Variants in NUP93 observed in about 807,000 individuals in gnomAD.
NUP93 encodes nuclear pore complex protein Nup93.
In NUP93, 55 loss-of-function variants were observed where a neutral mutation model predicts 107.8. The ratio of observed to expected loss-of-function variants is 0.51; its 90% CI spans 0.41 to 0.64. The LOEUF (loss-of-function observed/expected upper bound fraction) is 0.64. Among genes scored for constraint, NUP93 ranks in the 30% least tolerant of loss-of-function variants. The pLI is 0.00. For missense variants in NUP93, 937 were observed against 1,044.7 expected (o/e 0.90, Z 1.42); for synonymous variants, 390 against 397.5 (o/e 0.98, Z 0.22).
In NUP93 at chr16:56,846,086, C is replaced by G. The variant is rs539842066; in HGVS notation, c.*1477C>G. On this transcript the variant is annotated 3_prime_UTR_variant, in exon 22 of 22. Coordinates refer to ENST00000308159, the MANE Select transcript of NUP93 (RefSeq NM_014669.5). ...CCCTGCTTATATGTGCTGATTTAAGCTAATCAAATGATTTAATAGTGCTTT... is the reference window on the plus strand; with the variant it reads ...CCCTGCTTATATGTGCTGATTTAAGGTAATCAAATGATTTAATAGTGCTTT... The G allele has an allele frequency of 1.3e-5, 2 of 152,136 alleles. No homozygotes were observed. The highest frequency in any genetic ancestry group is 2.9e-5 in the Non-Finnish European group (2 of 68,032). The allele number at this position is 152,136 out of a possible 1,614,324, so 9.4% of individuals were successfully genotyped here. A position where few individuals can be genotyped will look rare whatever the true frequency, so the allele number is the denominator to read the frequency against.
intron 1 of NUP93, among the ~76,000 whole-genome samples, chr16:56,730,781 T>C (rs1961521692): frequency 6.6e-6 from 1 of 152,226 alleles, no homozygotes; most frequent in African/African-American, 2.4e-5. Context: ...TCCCGTTCCC[T>C]GCAGAGGCGA....
At chr16:56,771,811 G>T (rs1180706614) in intron 3 of NUP93, among the ~76,000 whole-genome samples, 1 of 152,198 alleles carries the variant, frequency 6.6e-6, no homozygotes, top group Admixed American at 6.5e-5. Context: ...AGTTTATGCT[G>T]TCTGAGTAGG....
In NUP93 at chr16:56,823,803, C is replaced by G; in HGVS notation, c.751C>G (p.Arg251Gly). The G allele has an allele frequency of 5.6e-6, 9 of 1,614,118 alleles. No homozygotes were observed. The highest frequency in any genetic ancestry group is 7.6e-6 in the Non-Finnish European group (9 of 1,180,014). ...GAAGAACCGCAGCAGCGTGGAAGTG[C>G]GCATGGAGTTTGTCAGGCAGGCCTT... ...ALKNRSSVEVRMEFVRQALAY... is the reference protein window; with the variant it reads ...ALKNRSSVEVGMEFVRQALAY... The change falls in exon 8 of 22, where the codon CGC (arginine) becomes GGC (glycine). Residue 251 changes from arginine to glycine, a missense_variant. Arg to Gly is a moderately radical substitution (Grantham distance 125, BLOSUM62 -2). Coordinates refer to ENST00000308159, the MANE Select transcript of NUP93 (RefSeq NM_014669.5).
intron 1 of NUP93, among the ~76,000 whole-genome samples, chr16:56,740,127 A>ACC (rs544956265): frequency 7.6e-3 from 638 of 84,098 alleles, no homozygotes; most frequent in African/African-American, 0.036. Context: ...CGGGGGGCTG[A>ACC]CCCCCCCACC....
intron 21 of NUP93, among the ~76,000 whole-genome samples, chr16:56,844,168 A>C (rs1324321745): frequency 2.6e-5 from 4 of 152,238 alleles, no homozygotes; most frequent in African/African-American, 7.2e-5. Context: ...AGATTGGAGC[A>C]GGCAGTTCTG....
chr16:56,730,541 C>T (rs1262760921), intron 1 of NUP93, among the ~76,000 whole-genome samples: 1 of 152,188 alleles, frequency 6.6e-6, no homozygotes, highest in African/African-American at 2.4e-5. Context: ...CGCGAGCCCA[C>T]CCTGCCTAAG....
intron 8 of NUP93, 45 bp downstream of exon 8, chr16:56,823,891 C>T: frequency 1.3e-6 from 2 of 1,597,298 alleles, no homozygotes; most frequent in Non-Finnish European, 1.7e-6. Flanking sequence ...ACATCCTTTG[C>T]AGTCAACTGT....
At chr16:56,783,893 T>TA (rs1962569153) in intron 3 of NUP93, 1 of 985,282 alleles carries the variant, frequency 1.0e-6, no homozygotes, top group South Asian at 4.7e-5. Context: ...CTTGTACTCA[T>TA]ATAGCAGGGA....
At chr16:56,823,924 C>T (rs1963604130) in intron 8 of NUP93, 78 bp downstream of exon 8, 1 of 1,542,114 alleles carries the variant, frequency 6.5e-7, no homozygotes, top group South Asian at 1.2e-5. Flanking sequence ...AAGTTGTCCT[C>T]AGGCTAGGTG....
chr16:56,804,837 C>T lies in NUP93; in HGVS notation c.361-667C>T, dbSNP rs182699400. Among the ~76,000 whole-genome samples, 207 of 148,452 alleles carry T rather than the reference C, an allele frequency of 1.4e-3. 1 individual carries two copies. Among genetic ancestry groups the T allele is most frequent in the African/African-American group, 4.7e-3 (189 of 40,082 alleles). On this transcript the variant is annotated intron_variant, in intron 4 of 21. Coordinates refer to ENST00000308159, the MANE Select transcript of NUP93 (RefSeq NM_014669.5). ...AGGAAAATCACTTGAACCGTGGAGG[C>T]GGAGGTTGCAGTGAGCCGAGATCGT...
chr16:56,847,670 C>G lies in NUP93; in HGVS notation c.*3061C>G, dbSNP rs1261108280. 1 of 152,180 alleles carries G rather than the reference C, an allele frequency of 6.6e-6. No homozygotes were observed. Among genetic ancestry groups the G allele is most frequent in the Non-Finnish European group, 1.5e-5 (1 of 68,036 alleles). 9.4% of individuals were successfully genotyped at this position (152,180 alleles called of 1,614,324 possible). A position where few individuals can be genotyped will look rare whatever the true frequency, so the allele number is the denominator to read the frequency against. On this transcript the variant is annotated 3_prime_UTR_variant, in exon 22 of 22. Coordinates refer to ENST00000308159, the MANE Select transcript of NUP93 (RefSeq NM_014669.5). ...AGCAACAAAAAACTCTTTGACTCCC[C>G]AACTTCAGAGGGAAAACTGAAGCGA...
chr16:56,812,543 C>T (rs1373741003), intron 5 of NUP93, among the ~76,000 whole-genome samples: 6 of 152,090 alleles, frequency 3.9e-5, no homozygotes, highest in Non-Finnish European at 8.8e-5. Flanking sequence ...CGGGGCTTCA[C>T]TGTGTTAGCC....
intron 5 of NUP93, among the ~76,000 whole-genome samples, chr16:56,806,215 A>G (rs1026506981): frequency 1.9e-4 from 29 of 151,508 alleles, no homozygotes; most frequent in African/African-American, 5.1e-4. Flanking sequence ...CTCAGATCAG[A>G]CACCTCAGCC....
At position 56,793,264 on chromosome 16, in the gene NUP93, G is replaced by A. The variant is rs79362258; in HGVS notation, c.298-5212G>A. Among the ~76,000 whole-genome samples the A allele has an allele frequency of 7.9e-3, 1,203 of 152,234 alleles. 24 individuals are homozygous for A. Among genetic ancestry groups the A allele is most frequent in the African/African-American group, 0.027 (1,134 of 41,530 alleles). ...TCAGGAGGAGTTAGTTTACCTAGCT[G>A]GCCTGCAGATGTTTTGGGAGGTGTT... On this transcript the variant is annotated intron_variant, in intron 3 of 21. Transcript: ENST00000308159.
chr16:56,834,320 T>C, intron 14 of NUP93, 50 bp from the exon 15 acceptor site: 1 of 1,613,950 alleles, frequency 6.2e-7, no homozygotes, highest in Non-Finnish European at 8.5e-7. Context: ...GAATGACTAT[T>C]AGAGACCTCA....
rs371918711 is a variant in NUP93 at position 56,813,232 on chromosome 16, A to G, written c.490-5432A>G. On this transcript the variant is annotated intron_variant, in intron 5 of 21. Coordinates refer to ENST00000308159, the MANE Select transcript of NUP93 (RefSeq NM_014669.5). ...ATATTCCATCACTTCTCAGTCATGC[A>G]TCTGTTTTACATCTCAACATCTCTC... Among the ~76,000 whole-genome samples the G allele has an allele frequency of 2.4e-4, 37 of 152,360 alleles. No homozygotes were observed. The East Asian group carries it at 3.9e-3, about 16-fold the overall frequency.
rs1273456271 is a variant in NUP93, at chr16:56,805,485, C to T, written c.361-19C>T. On this transcript the variant is annotated intron_variant, in intron 4 of 21. Coordinates refer to ENST00000308159, the MANE Select transcript of NUP93 (RefSeq NM_014669.5). ...TGTTTTTTTCCTGAGGGTCATTGTT[C>T]TCTGTTCCTTTCTGGCAGACCTTCG... The T allele has an allele frequency of 6.8e-6, 11 of 1,612,444 alleles. No homozygotes were observed. The highest frequency in any genetic ancestry group is 9.3e-6 in the Non-Finnish European group (11 of 1,179,042).
At chr16:56,731,929 CATT>C (rs1445210848) in intron 1 of NUP93, among the ~76,000 whole-genome samples, 1 of 152,124 alleles carries the variant, frequency 6.6e-6, no homozygotes, top group African/African-American at 2.4e-5. Flanking sequence ...GTCCCCATCT[CATT>C]AATAATGATA....
At chr16:56,730,433 G>A (rs745479509) in intron 1 of NUP93, among the ~76,000 whole-genome samples, 2 of 152,098 alleles carry the variant, frequency 1.3e-5, no homozygotes, top group Non-Finnish European at 2.9e-5. Flanking sequence ...CCTTTCATTC[G>A]TCCACTTTCT....
Sources: allele counts gnomAD v4.1 joint callset (sites outside exome capture counted in the v4.1 genomes callset), GRCh38; gene constraint gnomAD v4.1.1; transcripts MANE v1.5; gene names NCBI Gene and HGNC (gene_info 2026-07-23, HGNC 2026-07-21).